Variants in FRMPD4 observed in about 807,000 individuals in gnomAD.
The protein encoded by FRMPD4 is FERM and PDZ domain containing 4, also known as FERM and PDZ domain-containing protein 4.
Under a neutral mutation model 94.1 loss-of-function variants are expected in FRMPD4, and 22 were observed. That is an observed-to-expected ratio of 0.23 (90% CI 0.17 to 0.33). FRMPD4 has a LOEUF of 0.33. Ranked by LOEUF, FRMPD4 falls within the 10% of genes least tolerant of loss-of-function variation. The pLI is 1.00. For missense variants in FRMPD4, 1,111 were observed against 1,339.9 expected (o/e 0.83, Z 2.67); for synonymous variants, 631 against 548.6 (o/e 1.15, Z -2.10).
At chrX:12,596,992 T>C (rs2059037726) in intron 2 of FRMPD4, among the ~76,000 whole-genome samples, 1 of 111,994 alleles carries the variant, frequency 8.9e-6, no homozygotes, top group East Asian at 2.8e-4. Context: ...AATCTAAGCT[T>C]CAGTGTTCCT....
chrX:12,407,138 A>G (rs1215670698), intron 1 of FRMPD4, among the ~76,000 whole-genome samples: 1 of 111,340 alleles, frequency 9.0e-6, no homozygotes, highest in Non-Finnish European at 1.9e-5. Context: ...GCCCACCTGT[A>G]TACTCTGGGA....
intron 16 of FRMPD4, 119 bp from the exon 17 acceptor site, chrX:12,720,415 G>C: frequency 2.8e-6 from 2 of 706,089 alleles, no homozygotes; most frequent in East Asian, 6.6e-5. Flanking sequence ...CCTTAGCATC[G>C]GCAGCCCTTC....
In FRMPD4 at chrX:12,720,862, C is replaced by A; in HGVS notation, c.4293C>A (p.Gly1431=). ...TKGAVSLKCP[G]ITEAQEASSE... ...GTGCAGTCAGCTTAAAGTGTCCAGG[C>A]ATCACAGAAGCACAGGAGGCCAGTT... The change falls in exon 17 of 17, where the codon GGC becomes GGA. Residue 1431 remains glycine, a synonymous_variant. Transcript: ENST00000675598. 1.1e-6 allele frequency: 1 copy of A among 869,647 alleles called. No individual in the cohort carries two copies. 71.7% of individuals were successfully genotyped at this position (869,647 alleles called of 1,213,427 possible). A position where few individuals can be genotyped will look rare whatever the true frequency, so the allele number is the denominator to read the frequency against.
intron 3 of FRMPD4, among the ~76,000 whole-genome samples, chrX:12,053,518 A>G (rs1171338766): frequency 6.4e-5 from 7 of 110,012 alleles, no homozygotes; most frequent in South Asian, 3.9e-4. Flanking sequence ...AAGGAAGGAA[A>G]GAAGGAAGGA....
intron 1 of FRMPD4, among the ~76,000 whole-genome samples, chrX:12,378,422 A>G (rs1004256248): frequency 1.8e-5 from 2 of 112,617 alleles, no homozygotes; most frequent in Non-Finnish European, 3.8e-5. Context: ...GCTGTGAGGA[A>G]TAAAGACTCT....
At chrX:12,158,958 A>G (rs1277007795) in intron 1 of FRMPD4, among the ~76,000 whole-genome samples, 7 of 112,271 alleles carry the variant, frequency 6.2e-5, no homozygotes, top group Non-Finnish European at 1.1e-4. Flanking sequence ...TTGCATAGGA[A>G]GTACACGCCT....
intron 3 of FRMPD4, among the ~76,000 whole-genome samples, chrX:11,950,426 C>T (rs2054215733): frequency 1.8e-5 from 2 of 111,269 alleles, no homozygotes; most frequent in Admixed American, 9.5e-5. Context: ...GGTGAGAGCA[C>T]CTGAAATGTA....
chrX:12,259,693 A>G (rs1488192354), intron 1 of FRMPD4, among the ~76,000 whole-genome samples: 2 of 111,749 alleles, frequency 1.8e-5, no homozygotes, highest in African/African-American at 3.3e-5. Flanking sequence ...ACTCAGACCT[A>G]TTGGCACGCT....
intron 1 of FRMPD4, among the ~76,000 whole-genome samples, chrX:11,836,470 T>C (rs911223742): frequency 5.4e-5 from 6 of 111,954 alleles, no homozygotes; most frequent in African/African-American, 1.9e-4. Flanking sequence ...ATGTGTCATT[T>C]AAACAACTCT....
At chrX:12,213,239 T>A in intron 1 of FRMPD4, among the ~76,000 whole-genome samples, 1 of 111,838 alleles carries the variant, frequency 8.9e-6, no homozygotes, top group Non-Finnish European at 1.9e-5. Context: ...CATGATAAGG[T>A]CCCCTTAAAG....
At chrX:11,827,064 A>ATATATATATAT (rs2053447247) in intron 1 of FRMPD4, among the ~76,000 whole-genome samples, 1 of 92,992 alleles carries the variant, frequency 1.1e-5, no homozygotes, top group Admixed American at 1.2e-4. Flanking sequence ...GATGGAAATT[A>ATATATATATAT]TATATATATA....
intron 1 of FRMPD4, among the ~76,000 whole-genome samples, chrX:12,165,243 G>T (rs1289300010): frequency 7.1e-5 from 8 of 112,347 alleles, no homozygotes; most frequent in Admixed American, 2.8e-4. Flanking sequence ...GTAAGGAAGG[G>T]ATCCATTTTC....
intron 1 of FRMPD4, among the ~76,000 whole-genome samples, chrX:12,203,681 C>T: frequency 8.9e-6 from 1 of 112,431 alleles, no homozygotes; most frequent in Non-Finnish European, 1.9e-5. Flanking sequence ...TCCTTCAAAA[C>T]AAAAACAAAA....
chrX:12,505,100 T>C (rs1324589776), intron 2 of FRMPD4, among the ~76,000 whole-genome samples: 2 of 111,729 alleles, frequency 1.8e-5, no homozygotes, highest in African/African-American at 6.5e-5. Flanking sequence ...CCATTCAGTA[T>C]CACAGGGATG....
intron 4 of FRMPD4, among the ~76,000 whole-genome samples, chrX:12,632,479 C>T (rs2059404630): frequency 8.9e-6 from 1 of 112,294 alleles, no homozygotes; most frequent in South Asian, 3.7e-4. Context: ...ATTATAAAAG[C>T]TTTACAGCTT....
intron 2 of FRMPD4, among the ~76,000 whole-genome samples, chrX:12,563,329 G>A (rs73444803): frequency 0.038 from 4,160 of 110,443 alleles, 217 homozygotes; most frequent in African/African-American, 0.13. Context: ...CCAAAGCCCT[G>A]GTTCCTCCCA....
chrX:12,521,327 C>T (rs762516397), intron 2 of FRMPD4, among the ~76,000 whole-genome samples: 2 of 111,710 alleles, frequency 1.8e-5, no homozygotes, highest in South Asian at 7.5e-4. Flanking sequence ...AGACCACCCT[C>T]AGCTGGTGTA....
intron 3 of FRMPD4, among the ~76,000 whole-genome samples, chrX:11,893,174 A>G (rs1033612637): frequency 4.5e-5 from 5 of 111,792 alleles, no homozygotes; most frequent in Non-Finnish European, 9.4e-5. Flanking sequence ...CTTCTGTTTC[A>G]GGATCTCATC....
chrX:12,491,799 A>G (rs1056013952), intron 1 of FRMPD4, among the ~76,000 whole-genome samples: 3 of 111,876 alleles, frequency 2.7e-5, no homozygotes, highest in Non-Finnish European at 3.8e-5. Context: ...AGGTAAGGAC[A>G]TTGTCCATCC....
Sources: gnomAD v4.1 joint callset for allele counts (sites outside exome capture counted in the v4.1 genomes callset) on GRCh38, gnomAD v4.1.1 for gene constraint, MANE v1.5 for transcripts, NCBI Gene and HGNC (gene_info 2026-07-23, HGNC 2026-07-21) for gene names.